The following CRTAM variants were observed in gnomAD, a reference collection of about 807,000 sequenced individuals.
CRTAM encodes the protein cytotoxic and regulatory T cell molecule.
A neutral mutation model predicts 50.0 loss-of-function variants in CRTAM; 44 were observed. That is an observed-to-expected ratio of 0.88 (90% confidence interval 0.69 to 1.13). The LOEUF (loss-of-function observed/expected upper bound fraction) is 1.13. Ranked by LOEUF, CRTAM falls within the 50% of genes most tolerant of loss-of-function variation. CRTAM has a pLI of 0.00. For missense variants in CRTAM, 448 were observed against 457.5 expected, an observed-to-expected ratio of 0.98 and a Z score of 0.19; for synonymous variants, 159 against 169.3, an observed-to-expected ratio of 0.94 and a Z score of 0.47.
intron 9 of CRTAM, 89 bp downstream of exon 9, chr11:122,868,188 A>ATATGTG: frequency 2.3e-6 from 1 of 438,340 alleles, no homozygotes; most frequent in Non-Finnish European, 4.2e-6. Context: ...ACAACAGAAT[A>ATATGTG]TGTGTGTGTG....
In CRTAM at chr11:122,862,549, G is replaced by A. The variant is rs1862100814; in HGVS notation, c.733+5G>A. On this transcript the variant is annotated splice_donor_5th_base_variant and intron_variant, in intron 6 of 9. Transcript: ENST00000227348. ...CACAGCAGCCCACCAGTACTGGTAAGTGTCAAAATCATTCAAACTTGTTTT... is the reference window on the plus strand; with the variant it reads ...CACAGCAGCCCACCAGTACTGGTAAATGTCAAAATCATTCAAACTTGTTTT... 2 of 1,540,242 alleles carry A rather than the reference G, an allele frequency of 1.3e-6. No homozygotes were observed.
At chr11:122,862,267 A>C in intron 5 of CRTAM, 197 bp from the exon 6 acceptor site, 1 of 580,924 alleles carries the variant, frequency 1.7e-6, no homozygotes. Flanking sequence ...TAAGCCAGGC[A>C]GGTGAGCAGA....
rs771168025 is a variant in CRTAM at position 122,868,098 on chromosome 11, A to AGG, written c.1050_1051insGG (p.Ser351GlyfsTer9). On this transcript the variant is annotated frameshift_variant and splice_region_variant, in exon 9 of 10. Coordinates refer to ENST00000227348, the MANE Select transcript of CRTAM (RefSeq NM_019604.4). LOFTEE classifies it high-confidence loss of function. ...CATCATCTGAAGAGAAAAATGGCCA[A>AGG]TGTAAGTCAACTGTATGACCTGAGA... 1 of 1,582,884 alleles carries AGG rather than the reference A, an allele frequency of 6.3e-7. No individual in the cohort carries two copies. Among genetic ancestry groups the AGG allele is most frequent in the Non-Finnish European group, 8.7e-7 (1 of 1,152,080 alleles).
chr11:122,851,809 T>G lies in CRTAM; in HGVS notation c.310T>G (p.Ser104Ala). The change falls in exon 3 of 10, where the codon TCT (serine) becomes GCT (alanine). Residue 104 changes from serine to alanine, a missense_variant. Physicochemically the swap from Ser to Ala is moderately conservative, Grantham distance 99. Coordinates refer to ENST00000227348, the MANE Select transcript of CRTAM (RefSeq NM_019604.4). ...GVYKCLHYSD[S>A]VSTKEVKVIV... ...GTACAAGTGCTTACATTACAGCGACTCTGTAAGCACAAAGGAAGTGAAAGT... is the reference window on the plus strand; with the variant it reads ...GTACAAGTGCTTACATTACAGCGACGCTGTAAGCACAAAGGAAGTGAAAGT... 1 of 1,614,148 alleles carries G rather than the reference T, an allele frequency of 6.2e-7. No homozygotes were observed. The highest frequency in any genetic ancestry group is 1.1e-5 in the South Asian group (1 of 91,084).
chr11:122,865,561 C>T (rs892605952), intron 7 of CRTAM, among the ~76,000 whole-genome samples: 6 of 152,170 alleles, frequency 3.9e-5, no homozygotes, highest in Admixed American at 3.9e-4. Context: ...GCTGGGATTA[C>T]AGGTGTGAGC....
At chr11:122,859,148 T>A (rs1451119807) in intron 5 of CRTAM, among the ~76,000 whole-genome samples, 2 of 152,172 alleles carry the variant, frequency 1.3e-5, no homozygotes, top group Non-Finnish European at 2.9e-5. Flanking sequence ...GTGCACTTAT[T>A]TTTTGAGATG....
chr11:122,868,218 GT>G, intron 9 of CRTAM, 119 bp downstream of exon 9: 1 of 617,900 alleles, frequency 1.6e-6, no homozygotes. Context: ...GTGTGTGTGT[GT>G]GTGTGTGTGT....
intron 1 of CRTAM, among the ~76,000 whole-genome samples, chr11:122,839,089 G>A (rs2135224763): frequency 6.6e-6 from 1 of 151,990 alleles, no homozygotes; most frequent in African/African-American, 2.4e-5. Context: ...CCACCACCAC[G>A]CCCGGCTAAT....
intron 9 of CRTAM, among the ~76,000 whole-genome samples, chr11:122,869,925 C>G (rs530719205): frequency 3.3e-5 from 5 of 152,152 alleles, no homozygotes; most frequent in African/African-American, 7.2e-5. Context: ...CACATACTCA[C>G]CTGGTGGACA....
At chr11:122,844,210 A>G (rs1288184952) in intron 1 of CRTAM, among the ~76,000 whole-genome samples, 2 of 152,220 alleles carry the variant, frequency 1.3e-5, no homozygotes, top group African/African-American at 4.8e-5. Context: ...TTTCATCACA[A>G]TTTTTAAAAT....
intron 5 of CRTAM, among the ~76,000 whole-genome samples, chr11:122,859,120 TTTATTTTTTGAGATGGAGTGCAC>T (rs1353034073): frequency 6.6e-6 from 1 of 152,174 alleles, no homozygotes; most frequent in South Asian, 2.1e-4. Flanking sequence ...TTGTTTTTAT[TTTATTTTTTGAGATGGAGTGCAC>T]TTATTTTTTG....
intron 1 of CRTAM, among the ~76,000 whole-genome samples, chr11:122,843,148 G>A (rs1222054067): frequency 6.6e-6 from 1 of 152,146 alleles, no homozygotes; most frequent in African/African-American, 2.4e-5. Context: ...TTGGTAGATG[G>A]CTGTTACTGC....
chr11:122,865,608 A>G (rs1862161224), intron 7 of CRTAM, among the ~76,000 whole-genome samples: 1 of 152,038 alleles, frequency 6.6e-6, no homozygotes, highest in Non-Finnish European at 1.5e-5. Flanking sequence ...CTATACCTAT[A>G]TTTCCAGAAC....
intron 3 of CRTAM, among the ~76,000 whole-genome samples, chr11:122,852,173 A>G (rs1471633369): frequency 6.6e-6 from 1 of 152,220 alleles, no homozygotes; most frequent in Non-Finnish European, 1.5e-5. Context: ...TGAATTAGGC[A>G]CAATCTCTGC....
intron 1 of CRTAM, among the ~76,000 whole-genome samples, chr11:122,842,907 G>A (rs1184052892): frequency 6.6e-6 from 1 of 152,166 alleles, no homozygotes; most frequent in African/African-American, 2.4e-5. Context: ...GAGTTCCAAT[G>A]GGACATGTAG....
At chr11:122,849,572 A>G (rs1295268174) in intron 1 of CRTAM, among the ~76,000 whole-genome samples, 1 of 152,020 alleles carries the variant, frequency 6.6e-6, no homozygotes, top group Non-Finnish European at 1.5e-5. Flanking sequence ...AAACACAAAA[A>G]CTAGCCAGGC....
chr11:122,861,215 T>C (rs1862069304), intron 5 of CRTAM, among the ~76,000 whole-genome samples: 1 of 151,488 alleles, frequency 6.6e-6, no homozygotes, highest in Non-Finnish European at 1.5e-5. Flanking sequence ...TCAGGTATTT[T>C]TATATTTTTC....
intron 3 of CRTAM, among the ~76,000 whole-genome samples, chr11:122,853,195 G>A (rs150372788): frequency 0.012 from 1,875 of 151,844 alleles, 47 homozygotes; most frequent in African/African-American, 0.044. Flanking sequence ...AGCCTCCCGA[G>A]TAGCTGGGAC....
chr11:122,861,363 C>T (rs11603789), intron 5 of CRTAM, among the ~76,000 whole-genome samples: 38 of 100,538 alleles, frequency 3.8e-4, no homozygotes, highest in Middle Eastern at 6.5e-3. Flanking sequence ...TATATATATA[C>T]ACACACACAC....
Sources: allele counts gnomAD v4.1 joint callset (sites outside exome capture counted in the v4.1 genomes callset), GRCh38; gene constraint gnomAD v4.1.1; transcripts MANE v1.5; gene names NCBI Gene and HGNC (gene_info 2026-07-23, HGNC 2026-07-21).